The following STX3 variants were observed in gnomAD, a reference collection of about 807,000 sequenced individuals.
The protein encoded by STX3 is syntaxin-3.
Under a neutral mutation model 40.2 loss-of-function variants are expected in STX3, and 19 were observed. That is an observed-to-expected ratio of 0.47 (90% CI 0.33 to 0.69). The LOEUF (loss-of-function observed/expected upper bound fraction) is 0.69. STX3 is among the 30% of genes least tolerant of loss of function. STX3 has a pLI of 0.02. For synonymous variants in STX3, 122 were observed against 132.2 expected, an observed-to-expected ratio of 0.92 and a Z score of 0.53; for missense variants, 364 against 366.7, an observed-to-expected ratio of 0.99 and a Z score of 0.06.
chr11:59,790,462 A>G, intron 4 of STX3, 57 bp from the exon 5 acceptor site: 8 of 1,328,586 alleles, frequency 6.0e-6, no homozygotes, highest in Non-Finnish European at 8.7e-6. Flanking sequence ...TTCACTGAAT[A>G]GCATGTTTCT....
At chr11:59,773,142 G>C in intron 1 of STX3, 69 bp from the exon 2 acceptor site, 1 of 1,455,498 alleles carries the variant, frequency 6.9e-7, no homozygotes, top group Admixed American at 1.7e-5. Flanking sequence ...CTAGTACTTC[G>C]TGAGCATTCA....
intron 1 of STX3, among the ~76,000 whole-genome samples, chr11:59,758,131 T>C (rs1014113760): frequency 1.3e-5 from 2 of 152,152 alleles, no homozygotes; most frequent in Non-Finnish European, 2.9e-5. Context: ...TCTGGGTAGA[T>C]ACAAAGAGAA....
rs927143679 is a variant in STX3 at position 59,801,087 on chromosome 11, G to C, written c.*263G>C. 10 of 1,437,042 alleles carry C rather than the reference G, an allele frequency of 7.0e-6. No homozygotes were observed. Among genetic ancestry groups the C allele is most frequent in the Non-Finnish European group, 9.1e-6 (10 of 1,098,218 alleles). The allele number at this position is 1,437,042 out of a possible 1,614,324, so 89.0% of individuals were successfully genotyped here. ...CAGCTCTCAAGTACCTTTTCTCCTGGACTGTGTGGACCCACCCAGCTTTCT... is the reference window on the plus strand; with the variant it reads ...CAGCTCTCAAGTACCTTTTCTCCTGCACTGTGTGGACCCACCCAGCTTTCT... On this transcript the variant is annotated 3_prime_UTR_variant, in exon 11 of 11. Transcript: ENST00000337979.
At chr11:59,795,632 A>T (rs920856603) in intron 9 of STX3, 150 bp downstream of exon 9, 1 of 1,539,074 alleles carries the variant, frequency 6.5e-7, no homozygotes, top group Non-Finnish European at 8.7e-7. Flanking sequence ...TGAGAACAAC[A>T]TGGACCAGTC....
chr11:59,779,591 C>CT (rs1864219252), intron 2 of STX3, among the ~76,000 whole-genome samples: 2 of 152,234 alleles, frequency 1.3e-5, no homozygotes, highest in Admixed American at 6.5e-5. Flanking sequence ...CCTGCAGTTA[C>CT]TTATATTCAT....
chr11:59,794,603 C>G (rs1285081586), intron 8 of STX3, among the ~76,000 whole-genome samples: 2 of 152,156 alleles, frequency 1.3e-5, no homozygotes, highest in Non-Finnish European at 2.9e-5. Flanking sequence ...GCTTGAGATT[C>G]AAGTGGTGGT....
intron 2 of STX3, among the ~76,000 whole-genome samples, chr11:59,775,503 C>G (rs955569452): frequency 1.3e-5 from 2 of 152,194 alleles, no homozygotes; most frequent in African/African-American, 4.8e-5. Flanking sequence ...GTCAGAGGGT[C>G]CCTGAGAGGA....
intron 1 of STX3, among the ~76,000 whole-genome samples, chr11:59,764,883 C>CTATTATTATTATTATTAT (rs71454394): frequency 1.0e-4 from 15 of 145,152 alleles, no homozygotes; most frequent in East Asian, 2.0e-4. Context: ...CACACATTAT[C>CTATTATTATTATTATTAT]TATTATTATT....
chr11:59,783,073 A>AT (rs1406099753), intron 2 of STX3, among the ~76,000 whole-genome samples: 2 of 149,124 alleles, frequency 1.3e-5, no homozygotes, highest in African/African-American at 5.1e-5. Flanking sequence ...TTACATGGTG[A>AT]TTTAAAAAAA....
chr11:59,786,105 C>T (rs1190087726), intron 2 of STX3, among the ~76,000 whole-genome samples: 1 of 152,190 alleles, frequency 6.6e-6, no homozygotes, highest in Non-Finnish European at 1.5e-5. Context: ...GCTCGAGCTA[C>T]TGGGTCCTGA....
chr11:59,781,100 T>TTTATATATA (rs963410109), intron 2 of STX3, among the ~76,000 whole-genome samples: 2 of 146,364 alleles, frequency 1.4e-5, no homozygotes, highest in African/African-American at 5.2e-5. Flanking sequence ...TTTTTTTTTT[T>TTTATATATA]TATATTAGCA....
rs995923482 is a variant in STX3 at position 59,801,001 on chromosome 11, G to A, written c.*177G>A. ...CTGACTCAGCTAACAATCTAGCCCT[G>A]GGGGAATGTGATCTACCTGATGCGA... is the stretch of plus-strand genomic sequence containing the variant. On this transcript the variant is annotated 3_prime_UTR_variant, in exon 11 of 11. Transcript: ENST00000337979. 7.2e-6 allele frequency: 11 copies of A among 1,524,978 alleles called. No individual in the cohort carries two copies. In the African/African-American group the frequency reaches 1.4e-4, roughly 19 times the overall value. The allele number at this position is 1,524,978 out of a possible 1,614,324, so 94.5% of individuals were successfully genotyped here.
rs1376820781 is a variant in STX3, at chr11:59,805,200, A to C, written c.*4376A>C. On this transcript the variant is annotated 3_prime_UTR_variant, in exon 11 of 11. Coordinates refer to ENST00000337979, the MANE Select transcript of STX3 (RefSeq NM_004177.5). ...CTAAAAAAAAAAAAAAAACAAAAAAAAAAAACTGTTCTTAATACTTAATAC... is the reference window on the plus strand; with the variant it reads ...CTAAAAAAAAAAAAAAAACAAAAAACAAAAACTGTTCTTAATACTTAATAC... The C allele has an allele frequency of 3.3e-5, 5 of 150,284 alleles. No homozygotes were observed. The highest frequency in any genetic ancestry group is 2.9e-5 in the Non-Finnish European group (2 of 68,014). 9.3% of individuals were successfully genotyped at this position (150,284 alleles called of 1,614,324 possible).
intron 1 of STX3, among the ~76,000 whole-genome samples, chr11:59,759,944 A>G (rs1264244701): frequency 2.0e-5 from 3 of 152,194 alleles, no homozygotes; most frequent in African/African-American, 7.2e-5. Context: ...TAACATACCA[A>G]TCTGCGCTTC....
chr11:59,781,915 T>A (rs1166000320), intron 2 of STX3, among the ~76,000 whole-genome samples: 1 of 152,214 alleles, frequency 6.6e-6, no homozygotes. Context: ...ACATTGCTCT[T>A]GTCACCTCGC....
chr11:59,761,378 G>T (rs555283695), intron 1 of STX3, among the ~76,000 whole-genome samples: 1 of 152,292 alleles, frequency 6.6e-6, no homozygotes, highest in African/African-American at 2.4e-5. Context: ...ACTTTTGGTG[G>T]TGTATACAAA....
At chr11:59,755,745 C>G in intron 1 of STX3, 110 bp downstream of exon 1, 3 of 1,368,274 alleles carry the variant, frequency 2.2e-6, no homozygotes, top group Non-Finnish European at 2.9e-6. Flanking sequence ...GGAGGCTTGC[C>G]CTCCCCAAGC....
intron 2 of STX3, among the ~76,000 whole-genome samples, chr11:59,780,419 G>A (rs1864289538): frequency 6.6e-6 from 1 of 152,150 alleles, no homozygotes; most frequent in Non-Finnish European, 1.5e-5. Context: ...CTAGCCTCCA[G>A]TACTGTGAGA....
intron 8 of STX3, among the ~76,000 whole-genome samples, chr11:59,793,741 C>T (rs1349981131): frequency 1.3e-5 from 2 of 152,012 alleles, no homozygotes; most frequent in Non-Finnish European, 2.9e-5. Context: ...TTTGGCCTTG[C>T]AGTCGTTGCT....
Sources: gnomAD v4.1 joint callset for allele counts (sites outside exome capture counted in the v4.1 genomes callset) on GRCh38, gnomAD v4.1.1 for gene constraint, MANE v1.5 for transcripts, NCBI Gene and HGNC (gene_info 2026-07-23, HGNC 2026-07-21) for gene names.